The following GPC5 variants were observed in gnomAD, a reference collection of about 807,000 sequenced individuals.
The protein encoded by GPC5 is glypican-5.
GPC5 carries 47 observed loss-of-function variants against 53.9 expected under a neutral mutation model. The observed-to-expected ratio is 0.87, with a 90% CI of 0.69 to 1.11. GPC5 has a LOEUF of 1.11. Ranked by LOEUF, GPC5 falls within the 50% of genes most tolerant of loss-of-function variation. The pLI is 0.00. For synonymous variants in GPC5, 286 were observed against 263.3 expected (o/e 1.09, Z -0.84); for missense variants, 748 against 713.1 (o/e 1.05, Z -0.56).
At chr13:91,947,803 C>T (rs546563016) in intron 6 of GPC5, among the ~76,000 whole-genome samples, 16 of 152,194 alleles carry the variant, frequency 1.1e-4, no homozygotes, top group East Asian at 7.7e-4. Context: ...AGTTTCCCGT[C>T]CCCCCAACCC....
chr13:92,567,985 T>A (rs1374269821), intron 7 of GPC5, among the ~76,000 whole-genome samples: 1 of 152,064 alleles, frequency 6.6e-6, no homozygotes. Context: ...AATATTCAGG[T>A]TATTGGCTGA....
intron 2 of GPC5, among the ~76,000 whole-genome samples, chr13:91,610,609 T>C (rs567348499): frequency 2.0e-5 from 3 of 152,200 alleles, no homozygotes; most frequent in Non-Finnish European, 2.9e-5. Context: ...TTCTAAATCA[T>C]TTTGCTGTAA....
intron 1 of GPC5, among the ~76,000 whole-genome samples, chr13:91,436,837 TCTCTAAGTA>T (rs1232764573): frequency 1.3e-5 from 2 of 152,142 alleles, no homozygotes. Context: ...TCTTTCTAGG[TCTCTAAGTA>T]CTTGCTGTAT....
intron 7 of GPC5, among the ~76,000 whole-genome samples, chr13:92,282,983 T>C (rs2042927650): frequency 6.6e-6 from 1 of 152,210 alleles, no homozygotes. Context: ...ATCAGTGTGC[T>C]GTATTCAGGA....
intron 7 of GPC5, among the ~76,000 whole-genome samples, chr13:92,351,880 G>A (rs1240947917): frequency 6.6e-6 from 1 of 152,164 alleles, no homozygotes; most frequent in African/African-American, 2.4e-5. Flanking sequence ...TGACAATAGT[G>A]TGAAATAATG....
At chr13:91,804,637 C>T (rs2038191665) in intron 5 of GPC5, among the ~76,000 whole-genome samples, 1 of 152,160 alleles carries the variant, frequency 6.6e-6, no homozygotes, top group Non-Finnish European at 1.5e-5. Context: ...TTGCTCATTT[C>T]CTGATAATTC....
intron 5 of GPC5, among the ~76,000 whole-genome samples, chr13:91,812,272 T>C (rs920892669): frequency 6.6e-6 from 1 of 152,234 alleles, no homozygotes; most frequent in African/African-American, 2.4e-5. Flanking sequence ...TTCTTAGAAC[T>C]GTTAAGTTGT....
intron 7 of GPC5, among the ~76,000 whole-genome samples, chr13:92,408,797 T>C (rs1018201989): frequency 2.0e-4 from 30 of 152,022 alleles, no homozygotes; most frequent in African/African-American, 7.2e-4. Context: ...AAAGAATAAC[T>C]AAGGTAGTTT....
At chr13:91,576,191 A>G (rs1264635471) in intron 2 of GPC5, among the ~76,000 whole-genome samples, 1 of 152,078 alleles carries the variant, frequency 6.6e-6, no homozygotes, top group Admixed American at 6.6e-5. Flanking sequence ...ATCTTATATC[A>G]AGGTAGCTAT....
intron 7 of GPC5, chr13:92,241,423 T>C (rs1446169717): frequency 6.6e-6 from 1 of 152,148 alleles, no homozygotes; most frequent in Non-Finnish European, 1.5e-5. Context: ...TGCTGGACAA[T>C]TAGAGTCTGA....
chr13:92,658,004 C>T (rs904975384), intron 7 of GPC5, among the ~76,000 whole-genome samples: 8 of 152,062 alleles, frequency 5.3e-5, no homozygotes, highest in Non-Finnish European at 8.8e-5. Flanking sequence ...CTAAAACTAC[C>T]TATTATCATT....
chr13:91,988,832 T>G (rs1033137947), intron 6 of GPC5, among the ~76,000 whole-genome samples: 7 of 149,760 alleles, frequency 4.7e-5, no homozygotes, highest in African/African-American at 1.5e-4. Flanking sequence ...CTTCCTTGCT[T>G]GATTAGCACT....
At chr13:92,808,371 A>G (rs1233369234) in intron 7 of GPC5, among the ~76,000 whole-genome samples, 2 of 152,142 alleles carry the variant, frequency 1.3e-5, no homozygotes, top group African/African-American at 2.4e-5. Context: ...GAAACATACA[A>G]TGTACCCAAG....
intron 5 of GPC5, among the ~76,000 whole-genome samples, chr13:91,829,357 G>T (rs1020044597): frequency 2.0e-5 from 3 of 152,056 alleles, no homozygotes; most frequent in Non-Finnish European, 4.4e-5. Context: ...GCAACTAAAT[G>T]CAGGAACATG....
chr13:91,454,819 A>G (rs1035514723), intron 2 of GPC5, among the ~76,000 whole-genome samples: 4 of 152,056 alleles, frequency 2.6e-5, no homozygotes, highest in Non-Finnish European at 4.4e-5. Context: ...AAAATAAGAT[A>G]TTCAATTTCT....
At chr13:91,966,906 T>G (rs2040186118) in intron 6 of GPC5, among the ~76,000 whole-genome samples, 1 of 152,198 alleles carries the variant, frequency 6.6e-6, no homozygotes, top group Non-Finnish European at 1.5e-5. Context: ...GACTCCAAAA[T>G]ATGTTATAAA....
rs555154584 is a variant in GPC5, at chr13:92,169,294, A to G, written c.1561+24305A>G. ...AAACCACCATGGCACATGTTTACCT[A>G]TGTAACCAACCTGCACATCCTGTAC... On this transcript the variant is annotated intron_variant, in intron 7 of 7. Transcript: ENST00000377067. 9.8e-5 allele frequency among the ~76,000 whole-genome samples: 15 copies of G among 152,374 alleles called. No individual in the cohort carries two copies. The South Asian group carries it at 2.9e-3, about 29-fold the overall frequency.
intron 6 of GPC5, among the ~76,000 whole-genome samples, chr13:91,912,377 T>C (rs1000693285): frequency 6.6e-6 from 1 of 151,852 alleles, no homozygotes; most frequent in Non-Finnish European, 1.5e-5. Context: ...CAAAGAATAA[T>C]GAATGCTCAT....
chr13:92,699,774 T>G (rs998028836), intron 7 of GPC5, among the ~76,000 whole-genome samples: 2 of 152,192 alleles, frequency 1.3e-5, no homozygotes, highest in African/African-American at 4.8e-5. Context: ...CTAATTTGAT[T>G]GCACTGTGGT....
Sources: allele counts gnomAD v4.1 joint callset (sites outside exome capture counted in the v4.1 genomes callset), GRCh38; gene constraint gnomAD v4.1.1; transcripts MANE v1.5; gene names NCBI Gene and HGNC (gene_info 2026-07-23, HGNC 2026-07-21).